GET3: variants seen among roughly 807,000 people sequenced by gnomAD.
The protein encoded by GET3 is guided entry of tail-anchored proteins factor 3, ATPase.
A neutral mutation model predicts 32.4 loss-of-function variants in GET3; 15 were observed. The observed-to-expected ratio is 0.46, with a 90% confidence interval of 0.31 to 0.71. GET3 has a LOEUF of 0.71. GET3 is among the 30% of genes least tolerant of loss of function. The pLI is 0.05. For missense variants in GET3, 333 were observed against 459.0 expected (o/e 0.73, Z 2.51); for synonymous variants, 198 against 185.6 (o/e 1.07, Z -0.54).
chr19:12,741,804 C>T (rs555216494), intron 2 of GET3, among the ~76,000 whole-genome samples: 1 of 151,726 alleles, frequency 6.6e-6, no homozygotes, highest in African/African-American at 2.4e-5. Flanking sequence ...CCTGTAATCC[C>T]AGATACTCGG....
rs763644705 is a variant in GET3, at chr19:12,747,742, G to A, written c.915+150G>A. Reference sequence around the variant, plus strand: ...CCTTCACCCTTATTCCGGCCATAGAGGACTGTGGCTGGCCTGGCCTAGGTC... The same window carrying A: ...CCTTCACCCTTATTCCGGCCATAGAAGACTGTGGCTGGCCTGGCCTAGGTC... On this transcript the variant is annotated intron_variant, in intron 6 of 6. Transcript: ENST00000357332. The surrounding 1 kb of genome is among the most constrained non-coding windows in gnomAD (Gnocchi z 4.0). The A allele has an allele frequency of 4.4e-4, 533 of 1,208,084 alleles. No individual in the cohort carries two copies. The highest frequency in any genetic ancestry group is 5.8e-4 in the Non-Finnish European group (508 of 870,472). 74.8% of individuals were successfully genotyped at this position (1,208,084 alleles called of 1,614,324 possible).
intron 2 of GET3, 121 bp downstream of exon 2, chr19:12,738,779 C>A: frequency 7.6e-7 from 1 of 1,307,666 alleles, no homozygotes; most frequent in Non-Finnish European, 1.1e-6. Context: ...TCGTGTTTCA[C>A]TCCTTCCTCA....
chr19:12,744,407 C>T (rs1314815777), intron 2 of GET3, among the ~76,000 whole-genome samples: 2 of 151,808 alleles, frequency 1.3e-5, no homozygotes, highest in African/African-American at 2.4e-5. Flanking sequence ...GTAACCTCTG[C>T]CTCCCGGGTT....
At chr19:12,737,143 G>T, upstream of GET3, 1 of 174,660 alleles carries the variant, frequency 5.7e-6, no homozygotes, top group Admixed American at 6.3e-5. Context: ...CTGGGTGTTT[G>T]GCTGGTTGCT....
At chr19:12,737,818 G>A in intron 1 of GET3, 152 bp downstream of exon 1, 2 of 1,084,276 alleles carry the variant, frequency 1.8e-6, no homozygotes, top group South Asian at 3.6e-5. Context: ...GAGCAAATGA[G>A]AAAGACCTCA....
chr19:12,745,652 G>T lies in GET3; in HGVS notation c.502G>T (p.Ala168Ser). The change falls in exon 4 of 7, where the codon GCA becomes TCA. Residue 168 changes from alanine to serine, a missense_variant. By Grantham distance (99) the Ala-to-Ser change is moderately conservative (BLOSUM62 1). Transcript: ENST00000357332. The surrounding 1 kb of genome is among the most constrained non-coding windows in gnomAD (Gnocchi z 5.0). Reference sequence around the variant, plus strand: ...CTTCTCGGTGGTGGTATTTGACACGGCACCCACGGGCCACACCCTGAGGCT... The same window carrying T: ...CTTCTCGGTGGTGGTATTTGACACGTCACCCACGGGCCACACCCTGAGGCT... Reference protein sequence around the residue: ...MNFSVVVFDTAPTGHTLRLLN... With the variant: ...MNFSVVVFDTSPTGHTLRLLN... 6.2e-7 allele frequency: 1 copy of T among 1,604,484 alleles called. No individual in the cohort carries two copies.
At chr19:12,740,154 G>A (rs1356015495) in intron 2 of GET3, among the ~76,000 whole-genome samples, 4 of 151,908 alleles carry the variant, frequency 2.6e-5, no homozygotes, top group African/African-American at 7.3e-5. Flanking sequence ...AGACCGAGGC[G>A]GGTGGATCAC....
In GET3 at chr19:12,748,002, C is replaced by G; in HGVS notation, c.945C>G (p.Ile315Met). The G allele has an allele frequency of 6.2e-7, 1 of 1,610,494 alleles. No homozygotes were observed. The highest frequency in any genetic ancestry group is 8.5e-7 in the Non-Finnish European group (1 of 1,177,530). Reference sequence around the variant, plus strand: ...AGGACCTGTATGAAGACTTCCACATCGTGAAGCTGCCGCTGTTACCCCATG... The same window carrying G: ...AGGACCTGTATGAAGACTTCCACATGGTGAAGCTGCCGCTGTTACCCCATG... ...QMEDLYEDFHIVKLPLLPHEV... is the reference protein window; with the variant it reads ...QMEDLYEDFHMVKLPLLPHEV... Residue 315 changes from isoleucine to methionine, a missense_variant, in exon 7 of 7, where the codon ATC becomes ATG. Ile to Met is a conservative substitution (Grantham distance 10). This residue lies in a region of GET3 where 230 missense variants were observed against 389.2 expected (regional missense o/e 0.59). Coordinates refer to ENST00000357332, the MANE Select transcript of GET3 (RefSeq NM_004317.4).
At chr19:12,741,062 G>A (rs1465605129) in intron 2 of GET3, among the ~76,000 whole-genome samples, 1 of 152,100 alleles carries the variant, frequency 6.6e-6, no homozygotes, top group Non-Finnish European at 1.5e-5. Flanking sequence ...GGTGGCTCAT[G>A]CCTGTAATCC....
At chr19:12,744,197 C>G (rs911425204) in intron 2 of GET3, among the ~76,000 whole-genome samples, 8 of 129,820 alleles carry the variant, frequency 6.2e-5, no homozygotes, top group African/African-American at 2.4e-4. Context: ...GCCTAGGCAA[C>G]AAGATCAAAA....
At position 12,747,009 on chromosome 19, in the gene GET3, C is replaced by CAA. The variant is rs764695800; in HGVS notation, c.610-173_610-172dup. 3.7e-5 allele frequency among the ~76,000 whole-genome samples: 4 copies of CAA among 108,608 alleles called. No individual in the cohort carries two copies. Among genetic ancestry groups the CAA allele is most frequent in the Admixed American group, 1.9e-4 (2 of 10,630 alleles). 71.3% of individuals were successfully genotyped at this position (108,608 alleles called of 152,430 possible). ...TGGGCAACAGAGTGAGACTCCATTT[C>CAA]AAAAAAAAAAAAAAAAGAAAGAAAG... On this transcript the variant is annotated intron_variant, in intron 4 of 6. Coordinates refer to ENST00000357332, the MANE Select transcript of GET3 (RefSeq NM_004317.4). This position sits in a 1 kb window ranked among gnomAD's most constrained non-coding sequence, Gnocchi z 4.0.
chr19:12,742,683 G>C (rs1967692767), intron 2 of GET3, among the ~76,000 whole-genome samples: 1 of 151,808 alleles, frequency 6.6e-6, no homozygotes, highest in Non-Finnish European at 1.5e-5. Flanking sequence ...CAAAGTGCTG[G>C]GATTACAGGC....
chr19:12,737,213 G>A, upstream of GET3: 2 of 286,186 alleles, frequency 7.0e-6, no homozygotes, highest in South Asian at 8.5e-5. Context: ...AAAAGACATA[G>A]CCAATGAAAG....
At chr19:12,740,843 C>T (rs370956471) in intron 2 of GET3, among the ~76,000 whole-genome samples, 132 of 152,108 alleles carry the variant, frequency 8.7e-4, no homozygotes, top group Admixed American at 1.0e-3. Flanking sequence ...GGGCACTTCC[C>T]GGGCAGAGAT....
rs965388511 is a variant in GET3 at position 12,745,823 on chromosome 19, C to T, written c.609+64C>T. 44 of 1,531,098 alleles carry T rather than the reference C, an allele frequency of 2.9e-5. No homozygotes were observed. Among genetic ancestry groups the T allele is most frequent in the Admixed American group, 2.6e-4 (13 of 49,732 alleles). The allele number at this position is 1,531,098 out of a possible 1,614,324, so 94.8% of individuals were successfully genotyped here. On this transcript the variant is annotated intron_variant, in intron 4 of 6. Coordinates refer to ENST00000357332, the MANE Select transcript of GET3 (RefSeq NM_004317.4). The surrounding 1 kb of genome is among the most constrained non-coding windows in gnomAD (Gnocchi z 5.0). ...CCGGGAGTGGGAGTAGGCCCGGGCCCCCAGACCCTCAAATGCGCACTAACA... is the reference window on the plus strand; with the variant it reads ...CCGGGAGTGGGAGTAGGCCCGGGCCTCCAGACCCTCAAATGCGCACTAACA...
chr19:12,741,628 C>T (rs1472490895), intron 2 of GET3, among the ~76,000 whole-genome samples: 2 of 149,772 alleles, frequency 1.3e-5, no homozygotes, highest in Non-Finnish European at 3.0e-5. Flanking sequence ...GCGTGGTGGC[C>T]GGCACCTGTA....
rs1191193867 is a variant in GET3, at chr19:12,747,181, C to T, written c.610-16C>T. ...GCCGCAGGTAAGCTATGAGCCCTCC[C>T]ACATCCCCCCTGCAGATGTGCAACA... On this transcript the variant is annotated splice_polypyrimidine_tract_variant and intron_variant, in intron 4 of 6. Transcript: ENST00000357332. The surrounding 1 kb of genome is among the most constrained non-coding windows in gnomAD (Gnocchi z 4.0). 6.4e-7 allele frequency: 1 copy of T among 1,571,298 alleles called. No individual in the cohort carries two copies. The highest frequency in any genetic ancestry group is 1.8e-5 in the Admixed American group (1 of 54,570).
At chr19:12,739,833 C>T (rs913960966) in intron 2 of GET3, among the ~76,000 whole-genome samples, 1 of 151,866 alleles carries the variant, frequency 6.6e-6, no homozygotes, top group Non-Finnish European at 1.5e-5. Flanking sequence ...CACTTGAGGT[C>T]AAGAGTTTGA....
At chr19:12,742,895 G>A (rs1239713093) in intron 2 of GET3, among the ~76,000 whole-genome samples, 1 of 152,278 alleles carries the variant, frequency 6.6e-6, no homozygotes, top group South Asian at 2.1e-4. Context: ...AGTAACCAGA[G>A]TGGGGGATTT....
Sources: gnomAD v4.1 joint callset for allele counts (sites outside exome capture counted in the v4.1 genomes callset) on GRCh38, gnomAD v4.1.1 for gene constraint, gnomAD v4.1.1 regional missense constraint, Gnocchi (gnomAD v3.1) non-coding constraint, MANE v1.5 for transcripts, NCBI Gene and HGNC (gene_info 2026-07-23, HGNC 2026-07-21) for gene names.